Variants in HS3ST3A1 observed in about 807,000 individuals in gnomAD.
The protein encoded by HS3ST3A1 is heparan sulfate-glucosamine 3-sulfotransferase 3A1.
In HS3ST3A1, 19 loss-of-function variants were observed where a neutral mutation model predicts 25.7. The ratio of observed to expected loss-of-function variants is 0.74; its 90% CI spans 0.52 to 1.08. The LOEUF (loss-of-function observed/expected upper bound fraction) is 1.08, where lower values mean the gene tolerates loss of function less well. HS3ST3A1 is among the 50% of genes least tolerant of loss of function. The probability of loss-of-function intolerance (pLI) is 0.00; values close to 1 mark genes in which losing one functional copy is unlikely to be tolerated. For missense variants in HS3ST3A1, 459 were observed against 594.3 expected, an observed-to-expected ratio of 0.77 and a Z score of 2.37; for synonymous variants, 226 against 278.6, an observed-to-expected ratio of 0.81 and a Z score of 1.88.
At chr17:13,546,685 A>G (rs571932402) in intron 1 of HS3ST3A1, among the ~76,000 whole-genome samples, 23 of 152,318 alleles carry the variant, frequency 1.5e-4, no homozygotes, top group African/African-American at 5.3e-4. Flanking sequence ...CTAAAATGTG[A>G]TTATTCATAG....
chr17:13,597,353 G>A (rs191768018), intron 1 of HS3ST3A1, among the ~76,000 whole-genome samples: 76 of 152,054 alleles, frequency 5.0e-4, no homozygotes, highest in African/African-American at 1.7e-3. Flanking sequence ...TTCTAAGCTC[G>A]CCTGCTCTTG....
At chr17:13,578,544 CAG>C (rs1908012467) in intron 1 of HS3ST3A1, among the ~76,000 whole-genome samples, 3 of 140,762 alleles carry the variant, frequency 2.1e-5, no homozygotes, top group Non-Finnish European at 4.5e-5. Flanking sequence ...GCCCGGGTGA[CAG>C]AGCCAGACTC....
At position 13,533,315 on chromosome 17, in the gene HS3ST3A1, C is replaced by T. The variant is rs557162401; in HGVS notation, c.600-36497G>A. 5.7e-4 allele frequency among the ~76,000 whole-genome samples: 87 copies of T among 152,010 alleles called. 1 individual carries two copies. The highest frequency in any genetic ancestry group is 2.1e-3 in the African/African-American group (86 of 41,484). ...CATATCTGCTACAATCCACACACTG[C>T]TTAAGGTGACTTTGTAGGTTATCTC... On this transcript the variant is annotated intron_variant, in intron 1 of 1. Transcript: ENST00000284110.
chr17:13,512,321 A>AACAAAAAAAAAC (rs1555537366), intron 1 of HS3ST3A1, among the ~76,000 whole-genome samples: 2 of 144,676 alleles, frequency 1.4e-5, no homozygotes, highest in Non-Finnish European at 3.0e-5. Flanking sequence ...AAAAAAAAAA[A>AACAAAAAAAAAC]AAAAAACTGC....
intron 1 of HS3ST3A1, among the ~76,000 whole-genome samples, chr17:13,542,831 C>G (rs1188936774): frequency 1.3e-5 from 2 of 152,064 alleles, no homozygotes; most frequent in African/African-American, 4.8e-5. Context: ...TCAGCTCCCC[C>G]ACTACCACCA....
chr17:13,578,876 A>G (rs978254324), intron 1 of HS3ST3A1, among the ~76,000 whole-genome samples: 1 of 152,172 alleles, frequency 6.6e-6, no homozygotes, highest in Non-Finnish European at 1.5e-5. Flanking sequence ...TTCAAAATAG[A>G]TGTTGATTTT....
At chr17:13,531,769 G>A (rs1330035370) in intron 1 of HS3ST3A1, among the ~76,000 whole-genome samples, 2 of 152,128 alleles carry the variant, frequency 1.3e-5, no homozygotes, top group Non-Finnish European at 2.9e-5. Context: ...AAGCGAATCA[G>A]TCTGAACAGC....
chr17:13,581,984 C>T (rs1366420817), intron 1 of HS3ST3A1, among the ~76,000 whole-genome samples: 1 of 152,122 alleles, frequency 6.6e-6, no homozygotes, highest in Non-Finnish European at 1.5e-5. Flanking sequence ...CTAAATGTCA[C>T]CTGAGAACGG....
At chr17:13,503,842 A>T (rs961057364) in intron 1 of HS3ST3A1, among the ~76,000 whole-genome samples, 2 of 152,164 alleles carry the variant, frequency 1.3e-5, no homozygotes, top group African/African-American at 2.4e-5. Context: ...TGACCCAGCC[A>T]TTTCATGGCC....
intron 1 of HS3ST3A1, among the ~76,000 whole-genome samples, chr17:13,551,347 CAATAAATAAATAAATAAATAAATA>C (rs71144973): frequency 7.1e-5 from 10 of 141,320 alleles, no homozygotes; most frequent in Non-Finnish European, 1.1e-4. Context: ...GACTCCATCT[CAATAAATAAATAAATAAATAAATA>C]AATAAATAAA....
At chr17:13,579,385 T>C (rs1029922466) in intron 1 of HS3ST3A1, among the ~76,000 whole-genome samples, 7 of 152,052 alleles carry the variant, frequency 4.6e-5, no homozygotes, top group African/African-American at 1.7e-4. Context: ...AAAGGGGTAA[T>C]GATTACTATG....
chr17:13,501,023 T>A (rs1412937005), intron 1 of HS3ST3A1, among the ~76,000 whole-genome samples: 1 of 152,192 alleles, frequency 6.6e-6, no homozygotes, highest in African/African-American at 2.4e-5. Context: ...AGACAAATAC[T>A]GTATGAGTTC....
At chr17:13,515,471 G>GTTTTTTTTTTTTTTTTTTT (rs33924561) in intron 1 of HS3ST3A1, among the ~76,000 whole-genome samples, 1 of 107,794 alleles carries the variant, frequency 9.3e-6, no homozygotes, top group African/African-American at 3.6e-5. Flanking sequence ...GTTTGTTTCA[G>GTTTTTTTTTTTTTTTTTTT]TTTTTTTTTT....
intron 1 of HS3ST3A1, among the ~76,000 whole-genome samples, chr17:13,502,917 A>G (rs1314560946): frequency 1.3e-5 from 2 of 151,416 alleles, no homozygotes; most frequent in Admixed American, 1.3e-4. Flanking sequence ...GTGGTGGCTC[A>G]CGCCTATAAT....
intron 1 of HS3ST3A1, among the ~76,000 whole-genome samples, chr17:13,593,028 G>A (rs1403782805): frequency 6.6e-6 from 1 of 152,036 alleles, no homozygotes; most frequent in Non-Finnish European, 1.5e-5. Context: ...GGTCTGTTTT[G>A]CTCCTATGGA....
chr17:13,593,941 G>A (rs1908507506), intron 1 of HS3ST3A1, among the ~76,000 whole-genome samples: 1 of 152,052 alleles, frequency 6.6e-6, no homozygotes, highest in African/African-American at 2.4e-5. Flanking sequence ...ATCCGACCAA[G>A]GGCACCCTCG....
At chr17:13,507,303 T>C (rs1402230408) in intron 1 of HS3ST3A1, among the ~76,000 whole-genome samples, 1 of 152,198 alleles carries the variant, frequency 6.6e-6, no homozygotes, top group Non-Finnish European at 1.5e-5. Context: ...GAGCTAGAAT[T>C]ATTCCCTTCA....
At chr17:13,589,204 C>T (rs995693817) in intron 1 of HS3ST3A1, among the ~76,000 whole-genome samples, 7 of 152,106 alleles carry the variant, frequency 4.6e-5, no homozygotes, top group African/African-American at 7.2e-5. Context: ...TTTAAAAAGT[C>T]GATATTCCAA....
In HS3ST3A1 at chr17:13,535,352, G is replaced by T. The variant is rs116644977; in HGVS notation, c.600-38534C>A. 3.6e-3 allele frequency among the ~76,000 whole-genome samples: 551 copies of T among 152,284 alleles called. 4 individuals are homozygous for T. The highest frequency in any genetic ancestry group is 0.013 in the African/African-American group (526 of 41,564). ...AGATGGCAATTTGGCACTACACTTA[G>T]GGGCCGTTTTAAACAGTGAAATCAA... On this transcript the variant is annotated intron_variant, in intron 1 of 1. Transcript: ENST00000284110.
Sources: allele counts gnomAD v4.1 joint callset (sites outside exome capture counted in the v4.1 genomes callset), GRCh38; gene constraint gnomAD v4.1.1; transcripts MANE v1.5; gene names NCBI Gene and HGNC (gene_info 2026-07-23, HGNC 2026-07-21).